Variants in RTN1 observed in about 807,000 individuals in gnomAD.
RTN1 encodes reticulon 1, also known as reticulon-1.
RTN1 carries 25 observed loss-of-function variants against 65.5 expected under a neutral mutation model. That is an observed-to-expected ratio of 0.38 (90% CI 0.28 to 0.53). The LOEUF (loss-of-function observed/expected upper bound fraction) is 0.53, where lower values mean the gene tolerates loss of function less well. Ranked by LOEUF, RTN1 falls within the 20% of genes least tolerant of loss-of-function variation. RTN1 has a pLI of 0.79. For synonymous variants in RTN1, 471 were observed against 447.6 expected (o/e 1.05, Z -0.66); for missense variants, 983 against 1,025.4 (o/e 0.96, Z 0.57).
chr14:59,751,264 A>G (rs1227049665), intron 1 of RTN1, among the ~76,000 whole-genome samples: 4 of 150,896 alleles, frequency 2.7e-5, no homozygotes, highest in Non-Finnish European at 5.9e-5. Flanking sequence ...CTCAGTAACA[A>G]AAGGAATAAT....
intron 1 of RTN1, among the ~76,000 whole-genome samples, chr14:59,800,399 G>T (rs1356558979): frequency 6.6e-6 from 1 of 152,100 alleles, no homozygotes; most frequent in Non-Finnish European, 1.5e-5. Flanking sequence ...TTTTGTTGTT[G>T]TTGTTTTTGT....
intron 3 of RTN1, among the ~76,000 whole-genome samples, chr14:59,637,800 AC>A (rs1158480462): frequency 6.6e-6 from 1 of 151,990 alleles, no homozygotes; most frequent in African/African-American, 2.4e-5. Context: ...GTTCTTAATG[AC>A]ATTTAGAATG....
At chr14:59,603,437 AG>A in intron 6 of RTN1, among the ~76,000 whole-genome samples, 179 bp from the exon 7 acceptor site, 1 of 149,656 alleles carries the variant, frequency 6.7e-6, no homozygotes, top group Non-Finnish European at 1.5e-5. Context: ...AAAAGATGAC[AG>A]GGCAGTTCAT....
At chr14:59,598,208 G>A (rs1338550122) in intron 8 of RTN1, among the ~76,000 whole-genome samples, 1 of 152,164 alleles carries the variant, frequency 6.6e-6, no homozygotes, top group Non-Finnish European at 1.5e-5. Flanking sequence ...CAGTCTCAGG[G>A]TTAGTTTAGA....
chr14:59,642,694 T>G (rs1218324080), intron 3 of RTN1, among the ~76,000 whole-genome samples: 1 of 152,234 alleles, frequency 6.6e-6, no homozygotes, highest in Non-Finnish European at 1.5e-5. Flanking sequence ...GTTGAAATTC[T>G]TCATCTTTTT....
intron 3 of RTN1, among the ~76,000 whole-genome samples, chr14:59,625,651 A>G (rs1487144337): frequency 1.3e-5 from 2 of 152,170 alleles, no homozygotes; most frequent in Admixed American, 6.5e-5. Context: ...AAATCTTAAC[A>G]ACGATTAACT....
chr14:59,754,964 T>A (rs1161625753), intron 1 of RTN1, among the ~76,000 whole-genome samples: 1 of 152,178 alleles, frequency 6.6e-6, no homozygotes, highest in Middle Eastern at 3.2e-3. Flanking sequence ...TGATGATGCC[T>A]GACTTGAGCA....
intron 1 of RTN1, among the ~76,000 whole-genome samples, chr14:59,866,589 A>G (rs903689455): frequency 3.9e-5 from 6 of 152,162 alleles, no homozygotes; most frequent in African/African-American, 1.4e-4. Flanking sequence ...AAGAACATAT[A>G]TTGTACTTAC....
chr14:59,683,453 G>GAA (rs10711795), intron 3 of RTN1, among the ~76,000 whole-genome samples: 6 of 148,594 alleles, frequency 4.0e-5, no homozygotes, highest in Non-Finnish European at 7.5e-5. Context: ...TTAGAAAATT[G>GAA]AAAAAAAAAA....
rs1311570655 is a variant in RTN1, at chr14:59,757,344, G to A, written c.242-10863C>T. Among the ~76,000 whole-genome samples, 4 of 152,138 alleles carry A rather than the reference G, an allele frequency of 2.6e-5. No individual in the cohort carries two copies. The East Asian group carries it at 5.8e-4, about 22-fold the overall frequency. ...ATATGTGGGCAGTTTCCCCCATACT[G>A]TTCTCATGGTAGTGAATACGTTTCA... On this transcript the variant is annotated intron_variant, in intron 1 of 8. Coordinates refer to ENST00000267484, the MANE Select transcript of RTN1 (RefSeq NM_021136.3).
At chr14:59,854,168 A>C (rs1887561228) in intron 1 of RTN1, among the ~76,000 whole-genome samples, 1 of 151,982 alleles carries the variant, frequency 6.6e-6, no homozygotes, top group African/African-American at 2.4e-5. Flanking sequence ...CAAACTTTTT[A>C]ACTTTTTAAA....
chr14:59,842,544 T>C (rs963425444), intron 1 of RTN1, among the ~76,000 whole-genome samples: 5 of 152,096 alleles, frequency 3.3e-5, no homozygotes, highest in South Asian at 2.1e-4. Flanking sequence ...CTTAGGGCAC[T>C]GGGGCTTAAT....
chr14:59,777,630 C>T (rs1489905578), intron 1 of RTN1, among the ~76,000 whole-genome samples: 1 of 152,030 alleles, frequency 6.6e-6, no homozygotes, highest in Non-Finnish European at 1.5e-5. Context: ...AGCCCCTTTG[C>T]CCCTTTTTTC....
chr14:59,705,221 A>G (rs1411626473), intron 3 of RTN1, among the ~76,000 whole-genome samples: 1 of 152,134 alleles, frequency 6.6e-6, no homozygotes, highest in Non-Finnish European at 1.5e-5. Context: ...CGTACTTAGG[A>G]GTTCATATAG....
chr14:59,727,283 G>C lies in RTN1; in HGVS notation c.1401C>G (p.Ile467Met), dbSNP rs34431036. The change falls in exon 3 of 9, where the codon ATC becomes ATG. Residue 467 changes from isoleucine to methionine, a missense_variant. This residue lies in a region of RTN1 where 818 missense variants were observed against 801.8 expected (regional missense o/e 1.02). Transcript: ENST00000267484. The surrounding 1 kb of genome is among the most constrained non-coding windows in gnomAD (Gnocchi z 4.2). ...EREAELDSELIIESCDASSAS... is the reference protein window; with the variant it reads ...EREAELDSELMIESCDASSAS... ...CCGAGGAGGCGTCGCACGACTCGAT[G>C]ATGAGCTCGCTGTCCAGCTCGGCCT... is the stretch of plus-strand genomic sequence containing the variant. The C allele has an allele frequency of 2.5e-5, 38 of 1,503,626 alleles. No individual in the cohort carries two copies. The African/African-American group carries it at 5.3e-4, about 21-fold the overall frequency. 93.1% of individuals were successfully genotyped at this position (1,503,626 alleles called of 1,614,324 possible). A position where few individuals can be genotyped will look rare whatever the true frequency, so the allele number is the denominator to read the frequency against.
chr14:59,667,450 G>A (rs976467285), intron 3 of RTN1, among the ~76,000 whole-genome samples: 11 of 152,074 alleles, frequency 7.2e-5, no homozygotes, highest in Admixed American at 5.9e-4. Flanking sequence ...GGTATTGATG[G>A]AACATACCTC....
At chr14:59,672,001 G>A (rs1046370487) in intron 3 of RTN1, among the ~76,000 whole-genome samples, 8 of 152,210 alleles carry the variant, frequency 5.3e-5, no homozygotes, top group Non-Finnish European at 1.2e-4. Flanking sequence ...TAATGCCACA[G>A]TGATTAGGAC....
intron 3 of RTN1, chr14:59,630,935 A>C: frequency 1.4e-6 from 1 of 695,672 alleles, no homozygotes. Flanking sequence ...GACTCCCAGA[A>C]TATGCGAGGT....
intron 3 of RTN1, among the ~76,000 whole-genome samples, chr14:59,637,011 G>A (rs1882679930): frequency 6.6e-6 from 1 of 152,206 alleles, no homozygotes; most frequent in South Asian, 2.1e-4. Context: ...TAAGACAGCA[G>A]TAAAGTTTGC....
Sources: allele counts gnomAD v4.1 joint callset (sites outside exome capture counted in the v4.1 genomes callset), GRCh38; gene constraint gnomAD v4.1.1; regional missense constraint gnomAD v4.1.1; non-coding constraint Gnocchi (gnomAD v3.1); transcripts MANE v1.5; gene names NCBI Gene and HGNC (gene_info 2026-07-23, HGNC 2026-07-21).